Variants in LRBA observed in about 807,000 individuals in gnomAD.
LRBA encodes the protein lipopolysaccharide-responsive and beige-like anchor protein.
LRBA carries 176 observed loss-of-function variants against 330.0 expected under a neutral mutation model. The observed-to-expected ratio is 0.53, with a 90% confidence interval of 0.47 to 0.60. The LOEUF is 0.60. LRBA is among the 20% of genes least tolerant of loss of function. The pLI is 0.00. For synonymous variants in LRBA, 1,230 were observed against 1,193.0 expected (o/e 1.03, Z -0.64); for missense variants, 3,259 against 3,444.8 (o/e 0.95, Z 1.35).
At chr4:150,435,811 ACT>A in intron 45 of LRBA, 103 bp from the exon 46 acceptor site, 6 of 724,036 alleles carry the variant, frequency 8.3e-6, no homozygotes, top group Non-Finnish European at 1.3e-5. Context: ...ATAGGCATTC[ACT>A]AGTAATATAA....
At chr4:150,835,987 T>C (rs1338949932) in intron 28 of LRBA, among the ~76,000 whole-genome samples, 3 of 152,230 alleles carry the variant, frequency 2.0e-5, no homozygotes, top group African/African-American at 7.2e-5. Flanking sequence ...CAATACCTAA[T>C]TTATACAGAG....
intron 2 of LRBA, among the ~76,000 whole-genome samples, chr4:150,987,487 A>G (rs1173224608): frequency 6.6e-6 from 1 of 151,806 alleles, no homozygotes; most frequent in Non-Finnish European, 1.5e-5. Flanking sequence ...CAGACCACTT[A>G]GTCCAGTCAG....
intron 46 of LRBA, among the ~76,000 whole-genome samples, chr4:150,421,598 C>G (rs1457950178): frequency 1.3e-5 from 2 of 152,096 alleles, no homozygotes; most frequent in East Asian, 1.9e-4. Context: ...TTTCACGTCA[C>G]TGTCCTAGCT....
At chr4:150,876,585 A>G (rs1325932830) in intron 17 of LRBA, among the ~76,000 whole-genome samples, 1 of 152,216 alleles carries the variant, frequency 6.6e-6, no homozygotes, top group Non-Finnish European at 1.5e-5. Context: ...AAATAAATTT[A>G]GCCAAGAAAT....
intron 37 of LRBA, among the ~76,000 whole-genome samples, chr4:150,639,741 A>ATATATATATG (rs1778335900): frequency 6.9e-4 from 1 of 1,458 alleles, no homozygotes; most frequent in African/African-American, 2.0e-3. Context: ...CCCCAAATAT[A>ATATATATATG]TATATATATA....
At chr4:150,709,310 G>A (rs545041603) in intron 36 of LRBA, among the ~76,000 whole-genome samples, 12 of 151,790 alleles carry the variant, frequency 7.9e-5, no homozygotes, top group Non-Finnish European at 1.0e-4. Context: ...CCAACAATGC[G>A]CCTTGAAATT....
intron 37 of LRBA, among the ~76,000 whole-genome samples, chr4:150,670,387 T>G (rs1419108918): frequency 6.6e-6 from 1 of 152,238 alleles, no homozygotes; most frequent in Non-Finnish European, 1.5e-5. Flanking sequence ...GTTGCTCAAA[T>G]TGTCACAGAT....
chr4:150,917,836 G>C lies in LRBA; in HGVS notation c.646-1098C>G, dbSNP rs555282750. ...CCCAGCTACTCAGGAGGGTGAGGCA[G>C]GAGAATTGCTTGAACCCAGGAGGCA... On this transcript the variant is annotated intron_variant, in intron 5 of 56. Transcript: ENST00000651943. Among the ~76,000 whole-genome samples, 673 of 152,176 alleles carry C rather than the reference G, an allele frequency of 4.4e-3. 5 individuals are homozygous for C. Among genetic ancestry groups the C allele is most frequent in the Non-Finnish European group, 7.9e-3 (538 of 68,000 alleles).
intron 37 of LRBA, among the ~76,000 whole-genome samples, chr4:150,649,747 A>G (rs1038150137): frequency 2.0e-5 from 3 of 152,186 alleles, no homozygotes; most frequent in African/African-American, 7.2e-5. Context: ...AATATAATTG[A>G]GTTACCCCAA....
At chr4:150,718,367 G>A (rs1233196089) in intron 36 of LRBA, among the ~76,000 whole-genome samples, 1 of 152,056 alleles carries the variant, frequency 6.6e-6, no homozygotes, top group Non-Finnish European at 1.5e-5. Flanking sequence ...GCAGAAGAAG[G>A]TAATTAGCAG....
intron 30 of LRBA, among the ~76,000 whole-genome samples, chr4:150,818,512 G>C (rs1006751795): frequency 1.3e-5 from 2 of 149,948 alleles, no homozygotes; most frequent in Non-Finnish European, 3.0e-5. Context: ...GACTTAAGGG[G>C]GAGTAGATAT....
At chr4:150,306,688 G>C (rs1024188466) in intron 52 of LRBA, among the ~76,000 whole-genome samples, 1 of 152,108 alleles carries the variant, frequency 6.6e-6, no homozygotes, top group Admixed American at 6.6e-5. Flanking sequence ...AGAGGGAAAA[G>C]AATGACATCA....
At chr4:150,419,796 C>T (rs1430686290) in intron 46 of LRBA, among the ~76,000 whole-genome samples, 1 of 151,246 alleles carries the variant, frequency 6.6e-6, no homozygotes, top group Non-Finnish European at 1.5e-5. Context: ...TGTAACCATA[C>T]CAGGTTAATT....
chr4:151,001,729 C>G (rs992923122), intron 2 of LRBA, among the ~76,000 whole-genome samples: 3 of 152,116 alleles, frequency 2.0e-5, no homozygotes, highest in African/African-American at 7.2e-5. Flanking sequence ...AGTGCACCCA[C>G]CCACACAGCC....
intron 44 of LRBA, among the ~76,000 whole-genome samples, chr4:150,460,748 A>G (rs1310887501): frequency 6.6e-6 from 1 of 151,812 alleles, no homozygotes; most frequent in Non-Finnish European, 1.5e-5. Context: ...TGTGGTTACA[A>G]TCTAAAGATG....
At chr4:150,498,678 A>G (rs1004818480) in intron 40 of LRBA, among the ~76,000 whole-genome samples, 3 of 152,188 alleles carry the variant, frequency 2.0e-5, no homozygotes, top group Admixed American at 2.0e-4. Context: ...TAAAATAGAT[A>G]TTTAGCTTTG....
intron 33 of LRBA, among the ~76,000 whole-genome samples, chr4:150,804,708 C>CTT (rs1742281130): frequency 6.6e-6 from 1 of 152,104 alleles, no homozygotes; most frequent in Non-Finnish European, 1.5e-5. Context: ...CCATCAATCA[C>CTT]GGGCCCAAAA....
intron 2 of LRBA, among the ~76,000 whole-genome samples, chr4:150,995,296 T>C (rs980302424): frequency 6.6e-6 from 1 of 151,418 alleles, no homozygotes; most frequent in Non-Finnish European, 1.5e-5. Context: ...TTCAGTGATA[T>C]TCACAAATAA....
Position 150,954,817 on chromosome 4 carries a change from CAAAAAAAA to C in LRBA, c.217-25760_217-25753del, listed in dbSNP as rs34282784. ...AAAAAAAGAACCTAGACTCAGAAATCAAAAAAAAAAAAAAAAAAAAAGAATAAAAGGAA... is the reference window on the plus strand; with the variant it reads ...AAAAAAAGAACCTAGACTCAGAAATCAAAAAAAAAAAAAGAATAAAAGGAA... On this transcript the variant is annotated intron_variant, in intron 2 of 56. Coordinates refer to ENST00000651943, the MANE Select transcript of LRBA (RefSeq NM_001364905.1). Among the ~76,000 whole-genome samples, 7 of 45,530 alleles carry C rather than the reference CAAAAAAAA, an allele frequency of 1.5e-4. 1 individual carries two copies. Among genetic ancestry groups the C allele is most frequent in the African/African-American group, 5.5e-4 (4 of 7,316 alleles). 29.9% of individuals were successfully genotyped at this position (45,530 alleles called of 152,430 possible).
Sources: gnomAD v4.1 joint callset for allele counts (sites outside exome capture counted in the v4.1 genomes callset) on GRCh38, gnomAD v4.1.1 for gene constraint, MANE v1.5 for transcripts, NCBI Gene and HGNC (gene_info 2026-07-23, HGNC 2026-07-21) for gene names.